PPM1G: variants seen among roughly 807,000 people sequenced by gnomAD.
The protein encoded by PPM1G is protein phosphatase, Mg2+/Mn2+ dependent 1G.
A neutral mutation model predicts 59.4 loss-of-function variants in PPM1G; 12 were observed. That is an observed-to-expected ratio of 0.20 (90% confidence interval 0.13 to 0.33). PPM1G has a LOEUF of 0.33. Ranked by LOEUF, PPM1G falls within the 10% of genes least tolerant of loss-of-function variation. PPM1G has a pLI of 1.00. For missense variants in PPM1G, 392 were observed against 681.3 expected (o/e 0.58, Z 4.73); for synonymous variants, 245 against 251.9 (o/e 0.97, Z 0.26).
Position 27,381,540 on chromosome 2 carries a change from C to CA in PPM1G, c.*58dup. ...AAGGCTAAAGGAAAAAGACAAAACT[C>CA]AGTCTCAGGTCCGGAGGGCTCAGAA... is the stretch of plus-strand genomic sequence containing the variant. On this transcript the variant is annotated 3_prime_UTR_variant, in exon 10 of 10. Transcript: ENST00000344034. 6.3e-7 allele frequency: 1 copy of CA among 1,595,588 alleles called. No individual in the cohort carries two copies. The highest frequency in any genetic ancestry group is 1.7e-5 in the Admixed American group (1 of 59,872).
In PPM1G at chr2:27,381,474, GA is replaced by G; in HGVS notation, c.*124del. The G allele has an allele frequency of 8.9e-7, 1 of 1,119,034 alleles. No homozygotes were observed. The highest frequency in any genetic ancestry group is 1.3e-6 in the Non-Finnish European group (1 of 760,124). The allele number at this position is 1,119,034 out of a possible 1,614,324, so 69.3% of individuals were successfully genotyped here. A position where few individuals can be genotyped will look rare whatever the true frequency, so the allele number is the denominator to read the frequency against. ...GAGCCCTCTTTGGAATGGGCGGAGT[GA>G]AGCCACCCAGCTCCCCCTGCACACC... On this transcript the variant is annotated 3_prime_UTR_variant, in exon 10 of 10. Coordinates refer to ENST00000344034, the MANE Select transcript of PPM1G (RefSeq NM_177983.3).
chr2:27,382,104 T>G lies in PPM1G; in HGVS notation c.1434+22A>C. 1 of 1,604,930 alleles carries G rather than the reference T, an allele frequency of 6.2e-7. No individual in the cohort carries two copies. Among genetic ancestry groups the G allele is most frequent in the Non-Finnish European group, 8.5e-7 (1 of 1,171,750 alleles). ...CTGGCTGTGCAGACCAGACACCCTC[T>G]CTTCTCCACCCTGGTACTCACCTCT... On this transcript the variant is annotated intron_variant, in intron 9 of 9. Transcript: ENST00000344034. The surrounding 1 kb of genome is among the most constrained non-coding windows in gnomAD (Gnocchi z 4.2).
intron 1 of PPM1G, among the ~76,000 whole-genome samples, chr2:27,406,494 G>A (rs1447280281): frequency 3.3e-5 from 5 of 152,134 alleles, no homozygotes. Context: ...TCAAACAAGG[G>A]CAACTTCAGA....
chr2:27,400,749 G>C (rs1050181443), intron 1 of PPM1G, among the ~76,000 whole-genome samples: 1 of 152,188 alleles, frequency 6.6e-6, no homozygotes, highest in African/African-American at 2.4e-5. Context: ...AGTGAGGAAG[G>C]TTCCAACAGA....
intron 1 of PPM1G, among the ~76,000 whole-genome samples, chr2:27,401,247 G>A (rs1367289638): frequency 6.6e-6 from 1 of 152,084 alleles, no homozygotes; most frequent in African/African-American, 2.4e-5. Flanking sequence ...AGGGGTAGAG[G>A]GAATACTTGG....
intron 1 of PPM1G, among the ~76,000 whole-genome samples, chr2:27,399,937 CTATT>C (rs1684144404): frequency 7.5e-6 from 1 of 132,766 alleles, no homozygotes; most frequent in African/African-American, 2.9e-5. Flanking sequence ...CATAGTATCA[CTATT>C]TATAATAGCA....
chr2:27,383,939 C>T lies in PPM1G; in HGVS notation c.966+13G>A, dbSNP rs1386892315. 2 of 1,552,060 alleles carry T rather than the reference C, an allele frequency of 1.3e-6. No individual in the cohort carries two copies. Among genetic ancestry groups the T allele is most frequent in the Non-Finnish European group, 1.7e-6 (2 of 1,147,054 alleles). On this transcript the variant is annotated intron_variant, in intron 6 of 9. Coordinates refer to ENST00000344034, the MANE Select transcript of PPM1G (RefSeq NM_177983.3). The surrounding 1 kb of genome is among the most constrained non-coding windows in gnomAD (Gnocchi z 5.0). ...TGGCTTTTCAAGACTCATTGCTCCC[C>T]TTCCCCACACACCTCCTCTTTGCCT...
chr2:27,387,057 A>T (rs373185747), intron 2 of PPM1G, 32 bp downstream of exon 2: 1 of 1,554,498 alleles, frequency 6.4e-7, no homozygotes, highest in Non-Finnish European at 8.9e-7. Context: ...TTGGGGTCCT[A>T]GAATGTTACC....
At chr2:27,393,557 A>G (rs1376825049) in intron 1 of PPM1G, among the ~76,000 whole-genome samples, 1 of 151,524 alleles carries the variant, frequency 6.6e-6, no homozygotes, top group East Asian at 1.9e-4. Flanking sequence ...AACCCCGACC[A>G]CTCTCGGCGA....
Position 27,385,083 on chromosome 2 carries a change from T to A in PPM1G, c.415A>T (p.Asn139Tyr). Reference sequence around the variant, plus strand: ...TCATGCAGCAGTGCAGCCTCCTCATTGTCCACTGCAGGGAAGAGGCTAAAT... The same window carrying A: ...TCATGCAGCAGTGCAGCCTCCTCATAGTCCACTGCAGGGAAGAGGCTAAAT... Reference protein sequence around the residue: ...EKVADEDDVDNEEAALLHEEA... With the variant: ...EKVADEDDVDYEEAALLHEEA... The change falls in exon 5 of 10, where the codon AAT becomes TAT. Residue 139 changes from asparagine to tyrosine, a missense_variant. Physicochemically the swap from Asn to Tyr is moderately radical, Grantham distance 143 (BLOSUM62 -2). This residue lies in a region of PPM1G where 188 missense variants were observed against 248.8 expected (regional missense o/e 0.76). Coordinates refer to ENST00000344034, the MANE Select transcript of PPM1G (RefSeq NM_177983.3). This position sits in a 1 kb window ranked among gnomAD's most constrained non-coding sequence, Gnocchi z 4.1. The A allele has an allele frequency of 6.2e-7, 1 of 1,600,514 alleles. No homozygotes were observed. The highest frequency in any genetic ancestry group is 8.5e-7 in the Non-Finnish European group (1 of 1,174,378).
chr2:27,409,387 C>T lies in PPM1G; in HGVS notation c.36G>A (p.Lys12=), dbSNP rs1444758777. ...GAYLSQPNTV[K]CSGDGVGAPR... ...GGGCGCCGACCCCGTCCCCGGAGCA[C>T]TTCACCGTGTTGGGCTGGGAGAGGT... The change falls in exon 1 of 10, where the codon AAG becomes AAA. Residue 12 remains lysine, a synonymous_variant. Coordinates refer to ENST00000344034, the MANE Select transcript of PPM1G (RefSeq NM_177983.3). 4 of 1,540,534 alleles carry T rather than the reference C, an allele frequency of 2.6e-6. No homozygotes were observed. The East Asian group carries it at 1.0e-4, about 39-fold the overall frequency.
chr2:27,402,173 G>C (rs910070488), intron 1 of PPM1G, among the ~76,000 whole-genome samples: 2 of 152,054 alleles, frequency 1.3e-5, no homozygotes, highest in African/African-American at 4.8e-5. Context: ...GATCTAGAAA[G>C]AAACAAAAAC....
intron 1 of PPM1G, among the ~76,000 whole-genome samples, chr2:27,398,734 A>G (rs975570522): frequency 6.6e-6 from 1 of 151,126 alleles, no homozygotes; most frequent in African/African-American, 2.4e-5. Context: ...AGGCAGGAGA[A>G]TGGCTTGAAC....
chr2:27,386,007 A>G, intron 3 of PPM1G, 128 bp from the exon 4 acceptor site: 1 of 1,326,904 alleles, frequency 7.5e-7, no homozygotes, highest in Non-Finnish European at 1.0e-6. Flanking sequence ...AGATAAAAAC[A>G]GCTCAGAGGC....
At chr2:27,393,037 A>AT (rs1446735363) in intron 1 of PPM1G, 9 of 1,394,468 alleles carry the variant, frequency 6.5e-6, no homozygotes, top group Non-Finnish European at 9.0e-6. Flanking sequence ...AAAATGCACA[A>AT]TTTTTTCCAA....
At chr2:27,389,360 C>T (rs1441728374) in intron 1 of PPM1G, among the ~76,000 whole-genome samples, 1 of 151,980 alleles carries the variant, frequency 6.6e-6, no homozygotes, top group Non-Finnish European at 1.5e-5. Flanking sequence ...AATAAAGATT[C>T]GTCTTACACC....
chr2:27,385,635 T>C lies in PPM1G; in HGVS notation c.409+112A>G, dbSNP rs527339192. 5.1e-6 allele frequency: 7 copies of C among 1,378,514 alleles called. No homozygotes were observed. The East Asian group carries it at 1.4e-4, about 28-fold the overall frequency. The allele number at this position is 1,378,514 out of a possible 1,614,324, so 85.4% of individuals were successfully genotyped here. A position where few individuals can be genotyped will look rare whatever the true frequency, so the allele number is the denominator to read the frequency against. On this transcript the variant is annotated intron_variant, in intron 4 of 9. Transcript: ENST00000344034. This position sits in a 1 kb window ranked among gnomAD's most constrained non-coding sequence, Gnocchi z 4.1. ...GAGAACATCATAGGTTTCTTTAACA[T>C]AAGGACTCCCCAGGTCCCTAGAAAG...
Position 27,382,146 on chromosome 2 carries a change from A to G in PPM1G, c.1414T>C (p.Leu472=). 1.2e-6 allele frequency: 2 copies of G among 1,614,186 alleles called. No homozygotes were observed. The highest frequency in any genetic ancestry group is 1.7e-6 in the Non-Finnish European group (2 of 1,179,996). The stretch of plus-strand genomic sequence containing the variant: ...CTCACCTCTTCCACAATGGATGACA[A>G]TAACCGAAGCTCCCCATTTTCATCA... ...QRDENGELRL[L]SSIVEELLDQ... is the part of the protein sequence containing the mutation. Residue 472 remains leucine (L), a synonymous_variant, in exon 9 of 10, where the codon TTG becomes CTG. Transcript: ENST00000344034. The surrounding 1 kb of genome is among the most constrained non-coding windows in gnomAD (Gnocchi z 4.2).
In PPM1G at chr2:27,381,351, C is replaced by G; in HGVS notation, c.*248G>C. 2 of 560,258 alleles carry G rather than the reference C, an allele frequency of 3.6e-6. No individual in the cohort carries two copies. The highest frequency in any genetic ancestry group is 6.4e-6 in the Non-Finnish European group (2 of 311,816). 34.7% of individuals were successfully genotyped at this position (560,258 alleles called of 1,614,324 possible). ...AAACCAGAACCGCCAGTCCTTCCCTCCAACACAACAGAGCACAGGCACAGA... is the reference window on the plus strand; with the variant it reads ...AAACCAGAACCGCCAGTCCTTCCCTGCAACACAACAGAGCACAGGCACAGA... On this transcript the variant is annotated 3_prime_UTR_variant, in exon 10 of 10. Coordinates refer to ENST00000344034, the MANE Select transcript of PPM1G (RefSeq NM_177983.3).
Sources: allele counts gnomAD v4.1 joint callset (sites outside exome capture counted in the v4.1 genomes callset), GRCh38; gene constraint gnomAD v4.1.1; regional missense constraint gnomAD v4.1.1; non-coding constraint Gnocchi (gnomAD v3.1); transcripts MANE v1.5; gene names NCBI Gene and HGNC (gene_info 2026-07-23, HGNC 2026-07-21).